Variants in PTPRM observed in about 807,000 individuals in gnomAD.
The protein encoded by PTPRM is protein tyrosine phosphatase receptor type M, also known as receptor-type tyrosine-protein phosphatase mu.
In PTPRM, 47 loss-of-function variants were observed where a neutral mutation model predicts 186.7. The observed-to-expected ratio is 0.25, with a 90% confidence interval of 0.20 to 0.32. The LOEUF (loss-of-function observed/expected upper bound fraction) is 0.32. Ranked by LOEUF, PTPRM falls within the 10% of genes least tolerant of loss-of-function variation. The pLI, the probability that PTPRM is intolerant of heterozygous loss-of-function variation, is 1.00. For synonymous variants in PTPRM, 668 were observed against 674.9 expected (o/e 0.99, Z 0.16); for missense variants, 1,494 against 1,865.0 (o/e 0.80, Z 3.66).
In PTPRM at chr18:8,394,792, GT is replaced by G. The variant is rs1222124986; in HGVS notation, c.4344+183del. Among the ~76,000 whole-genome samples, 24 of 152,176 alleles carry G rather than the reference GT, an allele frequency of 1.6e-4. 1 individual carries two copies. Among genetic ancestry groups the G allele is most frequent in the African/African-American group, 4.8e-4 (20 of 41,530 alleles). On this transcript the variant is annotated intron_variant, in intron 32 of 32. Transcript: ENST00000580170. ...TCTTGTTCTCCCTCTTCCTCTCTTT[GT>G]TCTTCACACGGAGACTTTGTCTCCA...
At chr18:7,752,951 C>A (rs1409698877) in intron 1 of PTPRM, among the ~76,000 whole-genome samples, 1 of 151,888 alleles carries the variant, frequency 6.6e-6, no homozygotes, top group Non-Finnish European at 1.5e-5. Context: ...TGTCTAACCC[C>A]TCTTTAAAAT....
intron 19 of PTPRM, among the ~76,000 whole-genome samples, chr18:8,294,145 G>A (rs1168475212): frequency 5.3e-5 from 8 of 152,118 alleles, no homozygotes; most frequent in East Asian, 1.9e-4. Context: ...CCAGCTACTC[G>A]GGAGGCTGAG....
chr18:7,739,231 A>G (rs1284047709), intron 1 of PTPRM, among the ~76,000 whole-genome samples: 3 of 152,122 alleles, frequency 2.0e-5, no homozygotes, highest in Admixed American at 6.5e-5. Context: ...GCCAAACCAC[A>G]GTAAAGTGGT....
intron 14 of PTPRM, among the ~76,000 whole-genome samples, chr18:8,231,760 A>G (rs937345784): frequency 6.6e-6 from 1 of 152,104 alleles, no homozygotes; most frequent in Non-Finnish European, 1.5e-5. Flanking sequence ...ATTTTTCTAA[A>G]CAGTATTGCA....
At chr18:8,136,326 A>T (rs2092637893) in intron 13 of PTPRM, among the ~76,000 whole-genome samples, 1 of 152,234 alleles carries the variant, frequency 6.6e-6, no homozygotes, top group Admixed American at 6.5e-5. Context: ...AAACTATTTC[A>T]TCAAAATAGT....
intron 4 of PTPRM, among the ~76,000 whole-genome samples, chr18:7,915,383 T>C (rs2050495081): frequency 6.6e-6 from 1 of 152,006 alleles, no homozygotes; most frequent in South Asian, 2.1e-4. Flanking sequence ...GAATATGAGA[T>C]AGATTGAAAT....
intron 4 of PTPRM, among the ~76,000 whole-genome samples, chr18:7,913,243 T>A (rs990926318): frequency 2.0e-5 from 3 of 152,202 alleles, no homozygotes; most frequent in Non-Finnish European, 2.9e-5. Flanking sequence ...TTTTGGTGGA[T>A]CCATAGGATT....
intron 5 of PTPRM, among the ~76,000 whole-genome samples, chr18:7,934,998 A>G (rs2051714025): frequency 6.6e-6 from 1 of 152,150 alleles, no homozygotes; most frequent in Non-Finnish European, 1.5e-5. Flanking sequence ...GCTTTTGGTC[A>G]ACCTTTCTAG....
chr18:7,979,045 G>T (rs2055155136), intron 7 of PTPRM, among the ~76,000 whole-genome samples: 3 of 152,054 alleles, frequency 2.0e-5, no homozygotes, highest in Admixed American at 2.0e-4. Context: ...TCTATAAGCT[G>T]GGTCTTTAAT....
intron 1 of PTPRM, among the ~76,000 whole-genome samples, chr18:7,738,511 C>G (rs1011985379): frequency 6.6e-5 from 10 of 152,046 alleles, no homozygotes; most frequent in Non-Finnish European, 1.3e-4. Flanking sequence ...TCTCAGCTCA[C>G]TGCAAGCTCC....
At chr18:8,235,658 G>A (rs2094337915) in intron 14 of PTPRM, among the ~76,000 whole-genome samples, 1 of 151,546 alleles carries the variant, frequency 6.6e-6, no homozygotes, top group Non-Finnish European at 1.5e-5. Context: ...GTAGGTGGGA[G>A]CTTAGATTAT....
rs139963175 is a variant in PTPRM at position 8,175,004 on chromosome 18, G to C, written c.2300+31225G>C. 3.3e-3 allele frequency among the ~76,000 whole-genome samples: 510 copies of C among 152,254 alleles called. 3 individuals carry two copies. Among genetic ancestry groups the C allele is most frequent in the African/African-American group, 0.012 (484 of 41,538 alleles). On this transcript the variant is annotated intron_variant, in intron 14 of 32. Transcript: ENST00000580170. ...GGCCAGTTGCTGCCATGTGTCTTCTGGCTGACACTGTTTACATGCTAATGC... is the reference window on the plus strand; with the variant it reads ...GGCCAGTTGCTGCCATGTGTCTTCTCGCTGACACTGTTTACATGCTAATGC...
intron 1 of PTPRM, among the ~76,000 whole-genome samples, chr18:7,574,005 C>T (rs919136583): frequency 1.4e-4 from 22 of 152,292 alleles, no homozygotes; most frequent in African/African-American, 3.6e-4. Context: ...GGATGAGGCC[C>T]GGCAATCTGT....
At chr18:7,672,715 G>A (rs566350316) in intron 1 of PTPRM, among the ~76,000 whole-genome samples, 46 of 152,298 alleles carry the variant, frequency 3.0e-4, no homozygotes, top group Middle Eastern at 3.4e-3. Flanking sequence ...ATAGAGGGGC[G>A]ACTCTCTCTG....
At position 8,183,913 on chromosome 18, in the gene PTPRM, C is replaced by T. The variant is rs547046164; in HGVS notation, c.2300+40134C>T. Reference sequence around the variant, plus strand: ...GAAATCTGACATGGGGCACAGGTGGCCAATTCTGGCCCATGAGTAGAAGTC... The same window carrying T: ...GAAATCTGACATGGGGCACAGGTGGTCAATTCTGGCCCATGAGTAGAAGTC... On this transcript the variant is annotated intron_variant, in intron 14 of 32. Transcript: ENST00000580170. Among the ~76,000 whole-genome samples the T allele has an allele frequency of 2.0e-5, 3 of 152,260 alleles. No individual in the cohort carries two copies. In the South Asian group the frequency reaches 6.2e-4, roughly 32 times the overall value.
chr18:8,337,318 T>G (rs1055484010), intron 22 of PTPRM, among the ~76,000 whole-genome samples: 1 of 152,162 alleles, frequency 6.6e-6, no homozygotes, highest in African/African-American at 2.4e-5. Flanking sequence ...CAGTTGAGGT[T>G]TAAGTGTCCC....
At chr18:8,170,563 G>T (rs956511001) in intron 14 of PTPRM, among the ~76,000 whole-genome samples, 1 of 151,018 alleles carries the variant, frequency 6.6e-6, no homozygotes, top group African/African-American at 2.4e-5. Context: ...AATCTCTTTG[G>T]GGCTTTTAAA....
At chr18:7,948,299 G>A (rs2052693726) in intron 5 of PTPRM, among the ~76,000 whole-genome samples, 1 of 151,906 alleles carries the variant, frequency 6.6e-6, no homozygotes, top group South Asian at 2.1e-4. Context: ...GAGAGAGAAA[G>A]AGAGAGAGAA....
chr18:8,282,863 C>T (rs1475902447), intron 19 of PTPRM, among the ~76,000 whole-genome samples: 1 of 152,162 alleles, frequency 6.6e-6, no homozygotes, highest in African/African-American at 2.4e-5. Context: ...ACTAGACAAA[C>T]TCTAGTACAT....
Sources: gnomAD v4.1 joint callset for allele counts (sites outside exome capture counted in the v4.1 genomes callset) on GRCh38, gnomAD v4.1.1 for gene constraint, MANE v1.5 for transcripts, NCBI Gene and HGNC (gene_info 2026-07-23, HGNC 2026-07-21) for gene names.